Variants in GPHN observed in about 807,000 individuals in gnomAD.
The protein encoded by GPHN is gephyrin.
In GPHN, 17 loss-of-function variants were observed where a neutral mutation model predicts 95.5. That is an observed-to-expected ratio of 0.18 (90% confidence interval 0.12 to 0.27). The LOEUF is 0.27. Among genes scored for constraint, GPHN ranks in the 10% least tolerant of loss-of-function variants. The pLI is 1.00. For missense variants in GPHN, 660 were observed against 978.1 expected, an observed-to-expected ratio of 0.67 and a Z score of 4.34; for synonymous variants, 320 against 322.5, an observed-to-expected ratio of 0.99 and a Z score of 0.08.
chr14:67,072,543 C>T (rs1474207002), intron 11 of GPHN, among the ~76,000 whole-genome samples: 4 of 151,866 alleles, frequency 2.6e-5, no homozygotes, highest in Admixed American at 2.6e-4. Flanking sequence ...TCAGGGAAAC[C>T]CAGTTCTTCC....
At chr14:67,233,778 C>T in the GPHN span, among the ~76,000 whole-genome samples, 1 of 152,158 alleles carries the variant, frequency 6.6e-6, no homozygotes, top group South Asian at 2.1e-4. Context: ...ATGGGTTGAA[C>T]GTGCCATGTG....
chr14:66,531,508 C>G (rs1255826546), intron 1 of GPHN, among the ~76,000 whole-genome samples: 1 of 152,162 alleles, frequency 6.6e-6, no homozygotes, highest in Non-Finnish European at 1.5e-5. Context: ...TAGCACAATT[C>G]AGGAGTAGGT....
intron 3 of GPHN, among the ~76,000 whole-genome samples, chr14:66,811,212 A>G (rs758552780): frequency 5.3e-5 from 8 of 152,208 alleles, no homozygotes; most frequent in Non-Finnish European, 7.4e-5. Flanking sequence ...TACTTGGGCA[A>G]TGAGATCATT....
chr14:67,501,397 C>T, the GPHN span, among the ~76,000 whole-genome samples: 23 of 152,258 alleles, frequency 1.5e-4, no homozygotes, highest in Non-Finnish European at 3.4e-4. Context: ...CAGGATCTTG[C>T]TCTGTTGGCC....
rs556604858 is a variant in GPHN, at chr14:66,765,278, CAG to C, written c.144-11184_144-11183del. Among the ~76,000 whole-genome samples, 459 of 152,290 alleles carry C rather than the reference CAG, an allele frequency of 3.0e-3. 2 individuals are homozygous for C. The highest frequency in any genetic ancestry group is 0.011 in the African/African-American group (437 of 41,562). ...TGTGGCAATATTTGAAAGAAAAAAA[CAG>C]AATTACCATTTGACCCAGCAATTCC... On this transcript the variant is annotated intron_variant, in intron 2 of 22. Coordinates refer to ENST00000478722, the MANE Select transcript of GPHN (RefSeq NM_020806.5).
At chr14:66,523,098 G>A (rs1253773210) in intron 1 of GPHN, among the ~76,000 whole-genome samples, 1 of 151,952 alleles carries the variant, frequency 6.6e-6, no homozygotes, top group Non-Finnish European at 1.5e-5. Context: ...ATTAGTGACG[G>A]CAAAATTATT....
chr14:66,929,905 G>A (rs371478621), intron 8 of GPHN, among the ~76,000 whole-genome samples: 7 of 151,906 alleles, frequency 4.6e-5, no homozygotes, highest in African/African-American at 1.7e-4. Context: ...TAGAGACGGG[G>A]TTTCACCGTG....
chr14:67,190,764 C>T, the GPHN span, among the ~76,000 whole-genome samples: 1 of 152,228 alleles, frequency 6.6e-6, no homozygotes. Context: ...ACCAGAACTG[C>T]AACCTAGAAT....
At chr14:66,546,150 G>A (rs1443381665) in intron 1 of GPHN, among the ~76,000 whole-genome samples, 14 of 151,724 alleles carry the variant, frequency 9.2e-5, no homozygotes, top group African/African-American at 2.2e-4. Context: ...AGGCAGAGAC[G>A]CTCCTCACTT....
intron 6 of GPHN, among the ~76,000 whole-genome samples, chr14:66,917,600 A>G (rs2065982871): frequency 6.6e-6 from 1 of 152,124 alleles, no homozygotes; most frequent in African/African-American, 2.4e-5. Context: ...GCCGTTGGTA[A>G]TACTAGTTTA....
intron 1 of GPHN, among the ~76,000 whole-genome samples, chr14:66,669,947 G>C (rs1191288247): frequency 6.6e-6 from 1 of 152,108 alleles, no homozygotes; most frequent in East Asian, 1.9e-4. Context: ...CTTAGCACCT[G>C]TCATTAGCCT....
At chr14:66,661,720 C>A (rs751193997) in intron 1 of GPHN, among the ~76,000 whole-genome samples, 1 of 152,158 alleles carries the variant, frequency 6.6e-6, no homozygotes, top group Non-Finnish European at 1.5e-5. Flanking sequence ...CAGCCACCCT[C>A]ACTTGTATTC....
chr14:67,313,113 T>C, the GPHN span, among the ~76,000 whole-genome samples: 1 of 152,174 alleles, frequency 6.6e-6, no homozygotes, highest in Non-Finnish European at 1.5e-5. Flanking sequence ...ATAGAATTTA[T>C]TGTACCAAAC....
chr14:67,496,452 G>A, the GPHN span, among the ~76,000 whole-genome samples: 12 of 126,940 alleles, frequency 9.5e-5, no homozygotes, highest in Admixed American at 8.7e-4. Flanking sequence ...CACCCAGGCT[G>A]GAGTGCAGAG....
chr14:66,996,023 C>A (rs967522718), intron 9 of GPHN, among the ~76,000 whole-genome samples: 1 of 152,060 alleles, frequency 6.6e-6, no homozygotes, highest in African/African-American at 2.4e-5. Flanking sequence ...TAACTTGAGT[C>A]TTGACATGTT....
chr14:67,268,274 T>C, the GPHN span, among the ~76,000 whole-genome samples: 3 of 152,218 alleles, frequency 2.0e-5, no homozygotes, highest in African/African-American at 7.2e-5. Context: ...TGTTATTTCA[T>C]TGTGTATTTT....
chr14:67,146,630 A>G (rs369517457), intron 18 of GPHN, among the ~76,000 whole-genome samples: 1 of 152,194 alleles, frequency 6.6e-6, no homozygotes, highest in Non-Finnish European at 1.5e-5. Context: ...GATCACAAAA[A>G]AGGCTGGTTT....
At chr14:67,061,876 C>G (rs2075838030) in intron 11 of GPHN, among the ~76,000 whole-genome samples, 1 of 152,112 alleles carries the variant, frequency 6.6e-6, no homozygotes, top group African/African-American at 2.4e-5. Flanking sequence ...TAACTACTGC[C>G]TAACTACCAC....
chr14:66,618,563 G>A (rs972962987), intron 1 of GPHN, among the ~76,000 whole-genome samples: 2 of 151,950 alleles, frequency 1.3e-5, no homozygotes, highest in Non-Finnish European at 2.9e-5. Flanking sequence ...AAGGATTTTT[G>A]CATCTCTACT....
Sources: gnomAD v4.1 joint callset for allele counts (sites outside exome capture counted in the v4.1 genomes callset) on GRCh38, gnomAD v4.1.1 for gene constraint, MANE v1.5 for transcripts, NCBI Gene and HGNC (gene_info 2026-07-23, HGNC 2026-07-21) for gene names.